Variants in DRC8 observed in about 807,000 individuals in gnomAD.
The protein encoded by DRC8 is dynein regulatory complex protein 8.
At chr1:244,976,654 G>C in the DRC8 span, among the ~76,000 whole-genome samples, 1 of 152,190 alleles carries the variant, frequency 6.6e-6, no homozygotes, top group Non-Finnish European at 1.5e-5. Context: ...TATTGGTGAG[G>C]ATGTGGAGAA....
chr1:245,047,781 G>A, the DRC8 span, among the ~76,000 whole-genome samples: 1 of 152,084 alleles, frequency 6.6e-6, no homozygotes, highest in Non-Finnish European at 1.5e-5. Flanking sequence ...AGACTAGCTT[G>A]GCCAACATGG....
the DRC8 span, among the ~76,000 whole-genome samples, chr1:245,009,762 C>T: frequency 6.6e-6 from 1 of 152,168 alleles, no homozygotes; most frequent in African/African-American, 2.4e-5. Flanking sequence ...CCACTGCGCC[C>T]AGCCCCCCAA....
chr1:245,089,492 TG>T, the DRC8 span, among the ~76,000 whole-genome samples: 1 of 151,856 alleles, frequency 6.6e-6, no homozygotes, highest in East Asian at 1.9e-4. The surrounding 1 kb of genome is among the most constrained non-coding windows in gnomAD (Gnocchi z 4.8). Context: ...AGAAGCATCT[TG>T]GATGCCAAGA....
At chr1:245,038,401 C>T in the DRC8 span, among the ~76,000 whole-genome samples, 38 of 152,128 alleles carry the variant, frequency 2.5e-4, 1 homozygote, top group African/African-American at 7.7e-4. Flanking sequence ...ACCTGGGAGG[C>T]GGAGCTTGCA....
the DRC8 span, among the ~76,000 whole-genome samples, chr1:245,026,163 T>A: frequency 6.6e-6 from 1 of 152,208 alleles, no homozygotes; most frequent in Non-Finnish European, 1.5e-5. Context: ...TCTTTTTTCA[T>A]TGCTTCCATC....
the DRC8 span, among the ~76,000 whole-genome samples, chr1:244,974,841 G>A: frequency 6.6e-6 from 1 of 152,118 alleles, no homozygotes; most frequent in Admixed American, 6.5e-5. Flanking sequence ...GACTACAGGC[G>A]CAAGCCACCA....
At chr1:245,052,282 C>G in the DRC8 span, among the ~76,000 whole-genome samples, 2 of 152,084 alleles carry the variant, frequency 1.3e-5, no homozygotes, top group Non-Finnish European at 2.9e-5. Context: ...TTTGCAGGAA[C>G]AAAGAAAGTG....
the DRC8 span, among the ~76,000 whole-genome samples, chr1:244,995,509 C>T: frequency 1.3e-5 from 2 of 152,110 alleles, no homozygotes; most frequent in African/African-American, 4.8e-5. Flanking sequence ...CAGGTATGTG[C>T]CACTGTGCCT....
At chr1:244,987,086 C>T in the DRC8 span, among the ~76,000 whole-genome samples, 1 of 152,078 alleles carries the variant, frequency 6.6e-6, no homozygotes, top group Non-Finnish European at 1.5e-5. Flanking sequence ...TATAGCTGGT[C>T]TGTTTTCCTT....
chr1:245,024,433 A>G, the DRC8 span, among the ~76,000 whole-genome samples: 1 of 152,166 alleles, frequency 6.6e-6, no homozygotes, highest in African/African-American at 2.4e-5. Flanking sequence ...TGAGAGTACC[A>G]GTTTCTTCAG....
chr1:245,002,796 G>GA, the DRC8 span, among the ~76,000 whole-genome samples: 8 of 147,748 alleles, frequency 5.4e-5, no homozygotes, highest in South Asian at 2.1e-4. Context: ...TTAAGTAAGA[G>GA]AAAAAAAAAT....
At chr1:245,008,163 G>A in the DRC8 span, among the ~76,000 whole-genome samples, 1 of 151,950 alleles carries the variant, frequency 6.6e-6, no homozygotes, top group Non-Finnish European at 1.5e-5. Context: ...GACAGAGCAC[G>A]ACTCTGTCTC....
chr1:244,970,980 G>A, the DRC8 span: 1 of 166,940 alleles, frequency 6.0e-6, no homozygotes, highest in Non-Finnish European at 1.3e-5. Flanking sequence ...GGTGGCCTGG[G>A]TGAGGAGGAG....
chr1:245,092,511 G>T, the DRC8 span, among the ~76,000 whole-genome samples: 1 of 152,172 alleles, frequency 6.6e-6, no homozygotes, highest in African/African-American at 2.4e-5. Flanking sequence ...AGGCATGGTG[G>T]CTGCCTCCTA....
chr1:245,094,277 G>A, the DRC8 span, among the ~76,000 whole-genome samples: 1 of 152,072 alleles, frequency 6.6e-6, no homozygotes, highest in Non-Finnish European at 1.5e-5. Context: ...CACTGTTCTC[G>A]GAAAACCCCC....
chr1:245,093,824 T>C, the DRC8 span, among the ~76,000 whole-genome samples: 1 of 152,126 alleles, frequency 6.6e-6, no homozygotes, highest in Non-Finnish European at 1.5e-5. Flanking sequence ...CGGGCCATGG[T>C]TTTATATGTG....
chr1:245,065,473 C>T, the DRC8 span, among the ~76,000 whole-genome samples: 2 of 152,094 alleles, frequency 1.3e-5, no homozygotes, highest in Admixed American at 1.3e-4. Context: ...TTTTAAATTT[C>T]CAGTAGCTTG....
chr1:245,048,117 C>T, the DRC8 span, among the ~76,000 whole-genome samples: 2 of 151,920 alleles, frequency 1.3e-5, no homozygotes, highest in African/African-American at 4.8e-5. Flanking sequence ...GGTCTTGTTT[C>T]GAGTGGCAGA....
chr1:244,971,983 A>G, the DRC8 span, among the ~76,000 whole-genome samples: 1 of 144,220 alleles, frequency 6.9e-6, no homozygotes, highest in East Asian at 2.1e-4. Flanking sequence ...AAAAGCCATT[A>G]GGAGATAAAC....
Sources: gnomAD v4.1 joint callset for allele counts (sites outside exome capture counted in the v4.1 genomes callset) on GRCh38, gnomAD v4.1.1 for gene constraint, Gnocchi (gnomAD v3.1) non-coding constraint, MANE v1.5 for transcripts, NCBI Gene and HGNC (gene_info 2026-07-23, HGNC 2026-07-21) for gene names.